The following MSRA variants were observed in gnomAD, a reference collection of about 807,000 sequenced individuals.
The protein encoded by MSRA is mitochondrial peptide methionine sulfoxide reductase.
Under a neutral mutation model 31.3 loss-of-function variants are expected in MSRA, and 54 were observed. That is an observed-to-expected ratio of 1.73 (90% CI 1.39 to 2.17). The LOEUF (loss-of-function observed/expected upper bound fraction) is 2.17. Ranked by LOEUF, MSRA falls within the 30% of genes most tolerant of loss-of-function variation. The probability of loss-of-function intolerance (pLI) is 0.00; values close to 1 mark genes in which losing one functional copy is unlikely to be tolerated. For synonymous variants in MSRA, 169 were observed against 116.5 expected (o/e 1.45, Z -2.90); for missense variants, 507 against 300.9 (o/e 1.69, Z -5.07).
intron 5 of MSRA, among the ~76,000 whole-genome samples, chr8:10,339,531 C>CTTTTTTTTTT (rs774034241): frequency 8.2e-5 from 6 of 72,832 alleles, no homozygotes; most frequent in African/African-American, 1.9e-4. Context: ...TTCTTTCTTT[C>CTTTTTTTTTT]TTTTTTTTTT....
At chr8:10,240,107 G>A (rs771454389) in intron 2 of MSRA, among the ~76,000 whole-genome samples, 16 of 152,216 alleles carry the variant, frequency 1.1e-4, no homozygotes, top group African/African-American at 1.7e-4. Context: ...CCAAGACCCT[G>A]AAGGCAGGAA....
rs150806004 is a variant in MSRA at position 10,404,013 on chromosome 8, C to G, written c.544-24135C>G. Among the ~76,000 whole-genome samples the G allele has an allele frequency of 2.5e-3, 374 of 152,328 alleles. 1 individual carries two copies. The highest frequency in any genetic ancestry group is 8.5e-3 in the African/African-American group (355 of 41,558). ...GTGTTGGGCGGGGGACTGTTGCTCA[C>G]TGTAGGAAAGATTTCTCATTATATG... is the stretch of plus-strand genomic sequence containing the variant. On this transcript the variant is annotated intron_variant, in intron 5 of 5. Transcript: ENST00000317173.
chr8:10,371,992 G>A (rs1456049151), intron 5 of MSRA, among the ~76,000 whole-genome samples: 1 of 152,052 alleles, frequency 6.6e-6, no homozygotes, highest in African/African-American at 2.4e-5. Flanking sequence ...GAGATTGAAT[G>A]ATAGATCAAA....
chr8:10,417,751 A>ACGT (rs1808553402), intron 5 of MSRA, among the ~76,000 whole-genome samples: 5 of 30,624 alleles, frequency 1.6e-4, no homozygotes, highest in African/African-American at 8.0e-4. Flanking sequence ...TTAAACCTGC[A>ACGT]TGTTGTGTGT....
intron 1 of MSRA, among the ~76,000 whole-genome samples, chr8:10,087,803 T>A (rs1391765039): frequency 6.6e-6 from 1 of 152,240 alleles, no homozygotes; most frequent in Admixed American, 6.5e-5. Context: ...GATTTTAAAC[T>A]TTTTCTAAGA....
chr8:10,250,899 TAAAA>T (rs145775386), intron 3 of MSRA: 4 of 154,222 alleles, frequency 2.6e-5, no homozygotes, highest in African/African-American at 9.6e-5. Context: ...ATGATAAAAA[TAAAA>T]AAAATTGTTG....
chr8:10,222,866 A>G (rs558141654), intron 2 of MSRA, among the ~76,000 whole-genome samples: 18 of 152,328 alleles, frequency 1.2e-4, no homozygotes, highest in Admixed American at 3.9e-4. Context: ...CAAAGTTTCA[A>G]TTGGACCTGA....
intron 2 of MSRA, among the ~76,000 whole-genome samples, chr8:10,220,780 G>T (rs932864090): frequency 3.3e-5 from 5 of 152,158 alleles, no homozygotes; most frequent in Non-Finnish European, 5.9e-5. Context: ...TGTTTCCTCA[G>T]CATATGACCT....
chr8:10,401,764 C>T (rs1028176519), intron 5 of MSRA, among the ~76,000 whole-genome samples: 7 of 152,078 alleles, frequency 4.6e-5, no homozygotes, highest in African/African-American at 7.2e-5. Flanking sequence ...TACAGATGGG[C>T]GAACCTTGAG....
At chr8:10,424,252 C>T (rs1034630318) in intron 5 of MSRA, among the ~76,000 whole-genome samples, 1 of 152,108 alleles carries the variant, frequency 6.6e-6, no homozygotes, top group Non-Finnish European at 1.5e-5. Flanking sequence ...ATGAACAACA[C>T]CAAAGAAAAT....
chr8:10,185,763 T>C (rs970863428), intron 1 of MSRA, among the ~76,000 whole-genome samples: 2 of 152,228 alleles, frequency 1.3e-5, no homozygotes, highest in African/African-American at 4.8e-5. Context: ...TCTGGACCTT[T>C]GAGTCCTGTG....
intron 3 of MSRA, 102 bp from the exon 4 acceptor site, chr8:10,301,432 G>A: frequency 1.2e-6 from 1 of 814,108 alleles, no homozygotes; most frequent in South Asian, 1.6e-5. Context: ...CCTTCACAGG[G>A]TAGAGTTTCA....
intron 1 of MSRA, among the ~76,000 whole-genome samples, chr8:10,149,765 G>A (rs1302508625): frequency 6.7e-6 from 1 of 150,256 alleles, no homozygotes; most frequent in Non-Finnish European, 1.5e-5. Flanking sequence ...AGCACAGTTG[G>A]CAGAAACCAC....
chr8:10,095,113 C>A (rs1480888676), intron 1 of MSRA, among the ~76,000 whole-genome samples: 1 of 152,190 alleles, frequency 6.6e-6, no homozygotes, highest in East Asian at 1.9e-4. Context: ...TTCTATTCTC[C>A]CATGAGTCTT....
chr8:10,127,267 G>A (rs1351876), intron 1 of MSRA, among the ~76,000 whole-genome samples: 75,324 of 151,988 alleles, frequency 0.5, 19,697 homozygotes, highest in East Asian at 0.95. Flanking sequence ...ATCCTACTCA[G>A]GGTCATCGCC....
chr8:10,231,937 G>A (rs527504281), intron 2 of MSRA, among the ~76,000 whole-genome samples: 1 of 151,142 alleles, frequency 6.6e-6, no homozygotes, highest in Non-Finnish European at 1.5e-5. Flanking sequence ...AAATAAAAGG[G>A]TAAACAGGAA....
At chr8:10,089,235 A>G (rs1390323372) in intron 1 of MSRA, among the ~76,000 whole-genome samples, 1 of 152,218 alleles carries the variant, frequency 6.6e-6, no homozygotes, top group Non-Finnish European at 1.5e-5. Context: ...TGCATCCCGT[A>G]TCATCACGTT....
chr8:10,388,442 G>A (rs969429106), intron 5 of MSRA, among the ~76,000 whole-genome samples: 4 of 152,170 alleles, frequency 2.6e-5, no homozygotes, highest in African/African-American at 9.7e-5. Flanking sequence ...AGCTTCTCCT[G>A]TGTCTGCAGT....
chr8:10,412,445 A>T (rs926496648), intron 5 of MSRA, among the ~76,000 whole-genome samples: 1 of 152,232 alleles, frequency 6.6e-6, no homozygotes, highest in Non-Finnish European at 1.5e-5. Flanking sequence ...GGACCTGCAG[A>T]GATATTACAT....
Sources: gnomAD v4.1 joint callset for allele counts (sites outside exome capture counted in the v4.1 genomes callset) on GRCh38, gnomAD v4.1.1 for gene constraint, MANE v1.5 for transcripts, NCBI Gene and HGNC (gene_info 2026-07-23, HGNC 2026-07-21) for gene names.